Variants in MYO3B observed in about 807,000 individuals in gnomAD.
MYO3B encodes the protein myosin IIIB, also known as myosin-IIIb.
MYO3B carries 156 observed loss-of-function variants against 174.6 expected under a neutral mutation model. That is an observed-to-expected ratio of 0.89 (90% CI 0.78 to 1.02). The LOEUF (loss-of-function observed/expected upper bound fraction) is 1.02. Ranked by LOEUF, MYO3B falls within the 50% of genes least tolerant of loss-of-function variation. MYO3B has a pLI of 0.00. For synonymous variants in MYO3B, 563 were observed against 569.1 expected, an observed-to-expected ratio of 0.99 and a Z score of 0.15; for missense variants, 1,632 against 1,639.4, an observed-to-expected ratio of 1.00 and a Z score of 0.08.
chr2:170,271,438 C>T (rs2105370063), intron 7 of MYO3B, among the ~76,000 whole-genome samples: 1 of 152,232 alleles, frequency 6.6e-6, no homozygotes, highest in Non-Finnish European at 1.5e-5. Context: ...GTTAACATGT[C>T]ATCTGTCTAG....
intron 25 of MYO3B, among the ~76,000 whole-genome samples, chr2:170,496,651 T>C (rs2106065328): frequency 6.7e-6 from 1 of 149,514 alleles, no homozygotes; most frequent in South Asian, 2.1e-4. Context: ...TATATGTATA[T>C]TTTTTAATTT....
At chr2:170,642,570 C>G (rs1698062468) in intron 32 of MYO3B, among the ~76,000 whole-genome samples, 1 of 152,108 alleles carries the variant, frequency 6.6e-6, no homozygotes, top group Non-Finnish European at 1.5e-5. Flanking sequence ...TGAAGTTAGA[C>G]TTGGTGAAGT....
chr2:170,540,256 C>G (rs1003473335), intron 30 of MYO3B, among the ~76,000 whole-genome samples: 2 of 151,612 alleles, frequency 1.3e-5, no homozygotes, highest in African/African-American at 4.8e-5. Flanking sequence ...CCCAGGAGTT[C>G]GAGGCTGCAG....
intron 7 of MYO3B, among the ~76,000 whole-genome samples, chr2:170,314,469 T>G (rs1399463244): frequency 1.3e-5 from 2 of 152,210 alleles, no homozygotes; most frequent in South Asian, 2.1e-4. Flanking sequence ...GAAAGCATTC[T>G]GTCCCTCCTC....
At chr2:170,393,774 T>C (rs1442401242) in intron 16 of MYO3B, among the ~76,000 whole-genome samples, 1 of 152,154 alleles carries the variant, frequency 6.6e-6, no homozygotes, top group Non-Finnish European at 1.5e-5. Context: ...CTGTTAATTT[T>C]CTCTGTCAGC....
At chr2:170,349,928 G>A (rs1041075625) in intron 8 of MYO3B, 3 of 152,080 alleles carry the variant, frequency 2.0e-5, no homozygotes, top group Non-Finnish European at 4.4e-5. Context: ...ATAAGGAAGA[G>A]AATAAGGGGT....
intron 7 of MYO3B, among the ~76,000 whole-genome samples, chr2:170,265,182 G>A (rs2093373905): frequency 6.6e-6 from 1 of 152,128 alleles, no homozygotes; most frequent in Non-Finnish European, 1.5e-5. Flanking sequence ...ACCTCCCAAA[G>A]TCTTCCTCTA....
chr2:170,475,037 A>G (rs1685235075), intron 25 of MYO3B, among the ~76,000 whole-genome samples: 1 of 152,176 alleles, frequency 6.6e-6, no homozygotes, highest in South Asian at 2.1e-4. Context: ...CATAGCATAC[A>G]GTGGGTTATT....
chr2:170,426,470 G>A (rs2094662493), intron 22 of MYO3B, among the ~76,000 whole-genome samples: 1 of 151,466 alleles, frequency 6.6e-6, no homozygotes, highest in African/African-American at 2.4e-5. Context: ...TGAGTAGCTG[G>A]GACTACAGGC....
chr2:170,465,952 A>G (rs1684600324), intron 24 of MYO3B, among the ~76,000 whole-genome samples: 1 of 152,120 alleles, frequency 6.6e-6, no homozygotes, highest in African/African-American at 2.4e-5. Context: ...TCTTGCTGTG[A>G]GAGCCCTGTA....
At chr2:170,623,885 A>G (rs1386309618) in intron 32 of MYO3B, among the ~76,000 whole-genome samples, 1 of 151,846 alleles carries the variant, frequency 6.6e-6, no homozygotes, top group Non-Finnish European at 1.5e-5. Flanking sequence ...GGTAGTGTAG[A>G]TGTGTGGTAT....
intron 7 of MYO3B, among the ~76,000 whole-genome samples, chr2:170,245,594 T>G (rs1161129118): frequency 6.6e-6 from 1 of 152,222 alleles, no homozygotes; most frequent in African/African-American, 2.4e-5. Flanking sequence ...TCTGTTACTA[T>G]TCCATCATTT....
chr2:170,563,031 T>TACACACAC (rs56861648), intron 32 of MYO3B, among the ~76,000 whole-genome samples: 6,127 of 138,538 alleles, frequency 0.044, 160 homozygotes, highest in African/African-American at 0.053. Flanking sequence ...AAAACATGCA[T>TACACACAC]ACACACACAC....
chr2:170,486,548 G>C (rs181744592), intron 25 of MYO3B, among the ~76,000 whole-genome samples: 4 of 152,046 alleles, frequency 2.6e-5, no homozygotes, highest in African/African-American at 9.7e-5. Flanking sequence ...TGATCCGCCC[G>C]CCTCGGCCTC....
At chr2:170,319,932 CA>C (rs971571968) in intron 7 of MYO3B, among the ~76,000 whole-genome samples, 29 of 151,650 alleles carry the variant, frequency 1.9e-4, no homozygotes, top group African/African-American at 7.0e-4. Context: ...AATTATCCTT[CA>C]AAAAAAATGA....
In MYO3B at chr2:170,466,018, C is replaced by G. The variant is rs150668174; in HGVS notation, c.2809-488C>G. Among the ~76,000 whole-genome samples, 349 of 152,208 alleles carry G rather than the reference C, an allele frequency of 2.3e-3. 2 individuals carry two copies. Among genetic ancestry groups the G allele is most frequent in the African/African-American group, 7.9e-3 (327 of 41,528 alleles). The stretch of plus-strand genomic sequence containing the variant: ...CACCACAGTCTTCTTTTTGGTACTT[C>G]TCTCATTTTCTTTGCCTTGTTTTTG... On this transcript the variant is annotated intron_variant, in intron 24 of 34. Transcript: ENST00000408978.
rs190433980 is a variant in MYO3B at position 170,178,668 on chromosome 2, C to A, written c.2+379C>A. Reference sequence around the variant, plus strand: ...GATTATAAACCACTTTATTTCTGCACAGAATTTCTCAGCTTGAGGCCAAAT... The same window carrying A: ...GATTATAAACCACTTTATTTCTGCAAAGAATTTCTCAGCTTGAGGCCAAAT... On this transcript the variant is annotated intron_variant, in intron 1 of 34. Transcript: ENST00000408978. 1.6e-3 allele frequency among the ~76,000 whole-genome samples: 240 copies of A among 152,236 alleles called. 3 individuals are homozygous for A. The highest frequency in any genetic ancestry group is 6.2e-4 in the Non-Finnish European group (42 of 68,018).
chr2:170,410,320 CTT>C (rs1477532702), intron 22 of MYO3B, among the ~76,000 whole-genome samples: 3 of 152,066 alleles, frequency 2.0e-5, no homozygotes, highest in Non-Finnish European at 2.9e-5. Context: ...AATCCCAGCA[CTT>C]TGGGAGGCCG....
chr2:170,498,798 C>A, intron 26 of MYO3B, 95 bp downstream of exon 26: 1 of 786,140 alleles, frequency 1.3e-6, no homozygotes, highest in Non-Finnish European at 2.1e-6. Flanking sequence ...AGTTGTGTAG[C>A]TTAGCAAACA....
Sources: allele counts gnomAD v4.1 joint callset (sites outside exome capture counted in the v4.1 genomes callset), GRCh38; gene constraint gnomAD v4.1.1; transcripts MANE v1.5; gene names NCBI Gene and HGNC (gene_info 2026-07-23, HGNC 2026-07-21).